The following TPM1 variants were observed in gnomAD, a reference collection of about 807,000 sequenced individuals.
TPM1 encodes tropomyosin 1.
TPM1 carries 24 observed loss-of-function variants against 42.9 expected under a neutral mutation model. The ratio of observed to expected loss-of-function variants is 0.56; its 90% CI spans 0.41 to 0.79. TPM1 has a LOEUF of 0.79. Among genes scored for constraint, TPM1 ranks in the 30% least tolerant of loss-of-function variants. The probability of loss-of-function intolerance (pLI) is 0.00; values close to 1 mark genes in which losing one functional copy is unlikely to be tolerated. For missense variants in TPM1, 158 were observed against 351.8 expected, an observed-to-expected ratio of 0.45 and a Z score of 4.41; for synonymous variants, 136 against 130.1, an observed-to-expected ratio of 1.05 and a Z score of -0.31.
intron 2 of TPM1, among the ~76,000 whole-genome samples, chr15:63,051,179 G>A: frequency 6.6e-6 from 1 of 152,240 alleles, no homozygotes; most frequent in South Asian, 2.1e-4. Flanking sequence ...CAGCAAACAA[G>A]GAGACAGGGA....
At chr15:63,070,535 A>G, downstream of TPM1, 1 of 994,708 alleles carries the variant, frequency 1.0e-6, no homozygotes, top group Non-Finnish European at 1.2e-6. Context: ...TAAATAGAAC[A>G]CTATAAAAAT....
chr15:63,048,326 C>G (rs1357246401), intron 2 of TPM1: 1 of 1,027,556 alleles, frequency 9.7e-7, no homozygotes, highest in Admixed American at 3.1e-5. Flanking sequence ...CGCAGTGCCC[C>G]CAGCCAGTCC....
At chr15:63,042,997 G>C (rs2031476129) in intron 1 of TPM1, 54 bp downstream of exon 1, 1 of 1,487,082 alleles carries the variant, frequency 6.7e-7, no homozygotes, top group African/African-American at 1.4e-5. Context: ...ACTCGAGCCT[G>C]GCACCCCCGG....
rs199476320 is a variant in TPM1 at position 63,064,121 on chromosome 15, C to G, written c.830C>G (p.Ala277Gly). ...GCCATCAGCGAGGAGCTGGACCACG[C>G]TCTCAACGATATGACTTCCATGTAA... ...YKAISEELDH[A>G]LNDMTSI The change falls in exon 9 of 10, where the codon GCT (alanine) becomes GGT (glycine). Residue 277 changes from alanine to glycine, a missense_variant. Transcript: ENST00000403994. The G allele has an allele frequency of 6.2e-7, 1 of 1,614,014 alleles. No individual in the cohort carries two copies. Among genetic ancestry groups the G allele is most frequent in the Non-Finnish European group, 8.5e-7 (1 of 1,180,020 alleles).
rs2035736679 is a variant in TPM1 at position 63,062,265 on chromosome 15, C to G, written c.690C>G (p.Asp230Glu). Reference sequence around the variant, plus strand: ...AGGAAGAGATCAAGGTCCTTTCCGACAAGCTGAAGGAGGTAATATGAGAGT... The same window carrying G: ...AGGAAGAGATCAAGGTCCTTTCCGAGAAGCTGAAGGAGGTAATATGAGAGT... ...RYEEEIKVLS[D>E]KLKEAETRAE... Residue 230 changes from aspartate (D) to glutamate (E), a missense_variant, in exon 7 of 10, where the codon GAC becomes GAG. By Grantham distance (45) the Asp-to-Glu change is conservative. Coordinates refer to ENST00000403994, the MANE Select transcript of TPM1 (RefSeq NM_001018005.2). 6.2e-7 allele frequency: 1 copy of G among 1,613,992 alleles called. No individual in the cohort carries two copies. The highest frequency in any genetic ancestry group is 8.5e-7 in the Non-Finnish European group (1 of 1,179,984).
chr15:63,071,832 G>A (rs1366493530), exon 9 of TPM1: 3 of 153,732 alleles, frequency 2.0e-5, no homozygotes, highest in African/African-American at 7.2e-5. Flanking sequence ...AACTGGTAAA[G>A]GACGTTTTCT....
At chr15:63,056,895 C>A in intron 2 of TPM1, 90 bp from the exon 3 acceptor site, 2 of 1,574,230 alleles carry the variant, frequency 1.3e-6, no homozygotes, top group Non-Finnish European at 1.7e-6. Flanking sequence ...GTCTTCCTAT[C>A]TGAAATCAGC....
chr15:63,048,675 G>C, intron 2 of TPM1: 2 of 1,539,496 alleles, frequency 1.3e-6, no homozygotes, highest in Non-Finnish European at 1.7e-6. Context: ...CCTGCAGCGC[G>C]AGCTGGACCA....
chr15:63,043,818 A>G, intron 1 of TPM1: 1 of 1,548,792 alleles, frequency 6.5e-7, no homozygotes, highest in Non-Finnish European at 8.7e-7. Context: ...GCCGCCGAAG[A>G]GGCCGCCGCC....
At position 63,053,668 on chromosome 15, in the gene TPM1, G is replaced by GTT. The variant is rs1273815047; in HGVS notation, c.241-3315_241-3314dup. Among the ~76,000 whole-genome samples the GTT allele has an allele frequency of 4.4e-5, 6 of 136,748 alleles. No individual in the cohort carries two copies. The South Asian group carries it at 1.2e-3, about 27-fold the overall frequency. 89.7% of individuals were successfully genotyped at this position (136,748 alleles called of 152,430 possible). On this transcript the variant is annotated intron_variant, in intron 2 of 9. Transcript: ENST00000403994. ...GAATCTCTAGGGACACGGCCTGGAAGTTTGATTTTTTTTTTTTTTTTTTTG... is the reference window on the plus strand; with the variant it reads ...GAATCTCTAGGGACACGGCCTGGAAGTTTTTGATTTTTTTTTTTTTTTTTTTG...
intron 4 of TPM1, among the ~76,000 whole-genome samples, 200 bp from the exon 5 acceptor site, chr15:63,060,669 T>C (rs891232121): frequency 2.6e-5 from 4 of 152,102 alleles, no homozygotes; most frequent in Non-Finnish European, 4.4e-5. Context: ...CCATTCTGAG[T>C]CAAAGCAGAA....
intron 2 of TPM1, chr15:63,046,177 G>A (rs918083530): frequency 6.6e-6 from 1 of 152,176 alleles, no homozygotes. Flanking sequence ...GTCAACAATT[G>A]TAACACAAAT....
downstream of TPM1, chr15:63,070,549 AAG>A (rs2036552813): frequency 1.0e-6 from 1 of 995,438 alleles, no homozygotes; most frequent in African/African-American, 1.7e-5. Context: ...TAAAAATATT[AAG>A]AGAATGTCCT....
intron 2 of TPM1, chr15:63,048,988 T>C: frequency 2.2e-6 from 1 of 454,490 alleles, no homozygotes; most frequent in East Asian, 4.8e-5. Flanking sequence ...CCAGGAAGGG[T>C]CTGTTTCTGG....
chr15:63,044,484 C>T, intron 2 of TPM1: 1 of 581,886 alleles, frequency 1.7e-6, no homozygotes, highest in Non-Finnish European at 3.1e-6. Context: ...GGTGTCATCA[C>T]CAAGGTTTGT....
chr15:63,061,574 A>T (rs543039763), intron 5 of TPM1, 139 bp from the exon 6 acceptor site: 3 of 870,256 alleles, frequency 3.4e-6, no homozygotes, highest in Non-Finnish European at 5.8e-6. Flanking sequence ...AAACATTTTA[A>T]TACCTGATGA....
chr15:63,069,725 G>A (rs2036498602), downstream of TPM1: 1 of 992,028 alleles, frequency 1.0e-6, no homozygotes, highest in Non-Finnish European at 1.6e-6. Context: ...GGTGACTATG[G>A]GGTAAGAGTA....
At chr15:63,049,529 T>C (rs1441098826) in intron 2 of TPM1, 4 of 152,176 alleles carry the variant, frequency 2.6e-5, no homozygotes, top group Non-Finnish European at 5.9e-5. Context: ...TAGTCTAGTA[T>C]TGGATATTTG....
chr15:63,069,880 C>T (rs369307852), downstream of TPM1: 2 of 1,614,112 alleles, frequency 1.2e-6, no homozygotes, highest in Non-Finnish European at 1.7e-6. Flanking sequence ...ATCAACTCTA[C>T]CAGCAACTTG....
Sources: gnomAD v4.1 joint callset for allele counts (sites outside exome capture counted in the v4.1 genomes callset) on GRCh38, gnomAD v4.1.1 for gene constraint, MANE v1.5 for transcripts, NCBI Gene and HGNC (gene_info 2026-07-23, HGNC 2026-07-21) for gene names.